The following SLC6A15 variants were observed in gnomAD, a reference collection of about 807,000 sequenced individuals.
SLC6A15 encodes solute carrier family 6 member 15.
In SLC6A15, 33 loss-of-function variants were observed where a neutral mutation model predicts 68.5. The observed-to-expected ratio is 0.48, with a 90% CI of 0.37 to 0.64. The LOEUF (loss-of-function observed/expected upper bound fraction) is 0.64, where lower values mean the gene tolerates loss of function less well. Among genes scored for constraint, SLC6A15 ranks in the 30% least tolerant of loss-of-function variants. The pLI, the probability that SLC6A15 is intolerant of heterozygous loss-of-function variation, is 0.00. For missense variants in SLC6A15, 747 were observed against 874.3 expected (o/e 0.85, Z 1.84); for synonymous variants, 347 against 301.0 (o/e 1.15, Z -1.58).
intron 1 of SLC6A15, among the ~76,000 whole-genome samples, chr12:84,894,603 G>A (rs151105267): frequency 1.3e-5 from 2 of 151,966 alleles, no homozygotes; most frequent in East Asian, 1.9e-4. Flanking sequence ...AAATTTTTAC[G>A]GAAAATACTA....
intron 6 of SLC6A15, 48 bp downstream of exon 6, chr12:84,876,449 C>A (rs36021209): frequency 0.038 from 35,465 of 942,814 alleles, 875 homozygotes; most frequent in Non-Finnish European, 0.049. Flanking sequence ...TAACAATAAA[C>A]ATAATGCTTT....
intron 2 of SLC6A15, among the ~76,000 whole-genome samples, chr12:84,891,342 T>C (rs1157608344): frequency 6.6e-6 from 1 of 152,178 alleles, no homozygotes; most frequent in Non-Finnish European, 1.5e-5. Context: ...GGGATCTAAA[T>C]GTTCTCATCA....
chr12:84,890,586 G>C (rs755307296), intron 2 of SLC6A15, among the ~76,000 whole-genome samples: 1 of 152,132 alleles, frequency 6.6e-6, no homozygotes, highest in Non-Finnish European at 1.5e-5. Flanking sequence ...CTGACTCTAC[G>C]TTCGATCTTT....
intron 2 of SLC6A15, among the ~76,000 whole-genome samples, chr12:84,886,387 T>C (rs1329828766): frequency 6.6e-6 from 1 of 152,096 alleles, no homozygotes; most frequent in African/African-American, 2.4e-5. Context: ...CATTCTTTTC[T>C]GGGGCAGGTT....
chr12:84,882,047 A>G, intron 5 of SLC6A15: 1 of 984,962 alleles, frequency 1.0e-6, no homozygotes, highest in Non-Finnish European at 1.2e-6. Context: ...ACTACATGAC[A>G]TGAGAAGAAC....
At chr12:84,873,020 A>G (rs1871355986) in intron 7 of SLC6A15, 67 bp downstream of exon 7, 1 of 1,524,192 alleles carries the variant, frequency 6.6e-7, no homozygotes, top group Non-Finnish European at 8.9e-7. Flanking sequence ...GCTATCATGT[A>G]TCAATAAAAG....
At chr12:84,891,798 C>T (rs757891053) in intron 2 of SLC6A15, 34 bp downstream of exon 2, 2 of 1,570,794 alleles carry the variant, frequency 1.3e-6, no homozygotes, top group South Asian at 1.2e-5. Flanking sequence ...TTGCAATTTA[C>T]TACAGTAATT....
At chr12:84,868,311 G>T (rs1871142987) in intron 9 of SLC6A15, among the ~76,000 whole-genome samples, 1 of 152,112 alleles carries the variant, frequency 6.6e-6, no homozygotes, top group Non-Finnish European at 1.5e-5. Flanking sequence ...AAATAATATT[G>T]CATTCTCTTA....
chr12:84,886,180 G>A (rs1026394605), intron 2 of SLC6A15, 112 bp from the exon 3 acceptor site: 8 of 633,138 alleles, frequency 1.3e-5, no homozygotes, highest in Non-Finnish European at 2.0e-5. Context: ...TGCAATTATG[G>A]AGAGCTCTGA....
chr12:84,903,303 G>T (rs2120726176), intron 1 of SLC6A15, among the ~76,000 whole-genome samples: 1 of 152,094 alleles, frequency 6.6e-6, no homozygotes, highest in East Asian at 1.9e-4. Flanking sequence ...ACGAGTTAAT[G>T]GGTGCAGCAC....
intron 10 of SLC6A15, among the ~76,000 whole-genome samples, chr12:84,863,805 T>C (rs1360786369): frequency 6.6e-6 from 1 of 152,038 alleles, no homozygotes; most frequent in Non-Finnish European, 1.5e-5. Flanking sequence ...GAAAGCTCTC[T>C]TAAGCCAATT....
Position 84,885,580 on chromosome 12 carries a change from T to A in SLC6A15, c.448-19A>T, listed in dbSNP as rs754619765. On this transcript the variant is annotated intron_variant, in intron 3 of 11. Transcript: ENST00000266682. ...AGCACACCTGCAAAATAAAATGATATCCCATTAAACCTCTCATACCTCTTC... is the reference window on the plus strand; with the variant it reads ...AGCACACCTGCAAAATAAAATGATAACCCATTAAACCTCTCATACCTCTTC... 94 of 1,606,422 alleles carry A rather than the reference T, an allele frequency of 5.9e-5. 2 individuals carry two copies. In the East Asian group the frequency reaches 2.0e-3, roughly 35 times the overall value.
At chr12:84,910,055 T>C (rs1592619825) in intron 1 of SLC6A15, among the ~76,000 whole-genome samples, 1 of 152,170 alleles carries the variant, frequency 6.6e-6, no homozygotes, top group African/African-American at 2.4e-5. Context: ...CTCTCATAAC[T>C]GTTATCCAGT....
intron 1 of SLC6A15, among the ~76,000 whole-genome samples, chr12:84,910,724 AGAGCCAGAACCG>A (rs1873396387): frequency 1.3e-5 from 2 of 152,212 alleles, no homozygotes; most frequent in Non-Finnish European, 2.9e-5. Context: ...CGCCGGAACA[AGAGCCAGAACCG>A]CCTCTTCATG....
rs551514721 is a variant in SLC6A15, at chr12:84,864,192, C to G, written c.1656-591G>C. Among the ~76,000 whole-genome samples the G allele has an allele frequency of 1.8e-4, 27 of 151,438 alleles. 1 individual carries two copies. The South Asian group carries it at 2.3e-3, about 13-fold the overall frequency. ...AAGCATAATAATAATTCCTTAATATCATCAAATATACCTAATCAATGTTAT... is the reference window on the plus strand; with the variant it reads ...AAGCATAATAATAATTCCTTAATATGATCAAATATACCTAATCAATGTTAT... On this transcript the variant is annotated intron_variant, in intron 10 of 11. Transcript: ENST00000266682.
At chr12:84,899,736 C>T (rs962640313) in intron 1 of SLC6A15, among the ~76,000 whole-genome samples, 1 of 152,086 alleles carries the variant, frequency 6.6e-6, no homozygotes, top group Non-Finnish European at 1.5e-5. Flanking sequence ...ATGTTGGGAA[C>T]TTTACAGTAT....
chr12:84,899,147 A>T (rs558392130), intron 1 of SLC6A15, among the ~76,000 whole-genome samples: 1 of 152,312 alleles, frequency 6.6e-6, no homozygotes, highest in East Asian at 1.9e-4. Context: ...CAAAAAGAAA[A>T]GGTGAGCCCA....
chr12:84,874,701 C>G (rs1030926012), intron 6 of SLC6A15, among the ~76,000 whole-genome samples: 6 of 152,098 alleles, frequency 3.9e-5, no homozygotes, highest in African/African-American at 1.4e-4. Flanking sequence ...ACATCATATT[C>G]TATTAAAATA....
intron 2 of SLC6A15, among the ~76,000 whole-genome samples, chr12:84,889,834 A>C (rs1361240190): frequency 6.6e-6 from 1 of 152,188 alleles, no homozygotes; most frequent in East Asian, 1.9e-4. Flanking sequence ...CAAACAGTGA[A>C]ATTGACTTCA....
Sources: gnomAD v4.1 joint callset for allele counts (sites outside exome capture counted in the v4.1 genomes callset) on GRCh38, gnomAD v4.1.1 for gene constraint, MANE v1.5 for transcripts, NCBI Gene and HGNC (gene_info 2026-07-23, HGNC 2026-07-21) for gene names.